ARMC1: variants seen among roughly 807,000 people sequenced by gnomAD.
ARMC1 encodes armadillo repeat-containing protein 1.
In ARMC1, 16 loss-of-function variants were observed where a neutral mutation model predicts 31.4. The ratio of observed to expected loss-of-function variants is 0.51; its 90% CI spans 0.34 to 0.77. ARMC1 has a LOEUF of 0.77. Among genes scored for constraint, ARMC1 ranks in the 30% least tolerant of loss-of-function variants. The pLI, the probability that ARMC1 is intolerant of heterozygous loss-of-function variation, is 0.01. For missense variants in ARMC1, 259 were observed against 347.5 expected, an observed-to-expected ratio of 0.75 and a Z score of 2.02; for synonymous variants, 114 against 118.9, an observed-to-expected ratio of 0.96 and a Z score of 0.27.
chr8:65,623,888 C>T (rs545900660), intron 2 of ARMC1, among the ~76,000 whole-genome samples: 3 of 146,484 alleles, frequency 2.0e-5, no homozygotes, highest in South Asian at 4.5e-4. Flanking sequence ...ACCTCCACCC[C>T]CCGAGTTCAA....
At chr8:65,608,573 T>C (rs187290501) in intron 4 of ARMC1, among the ~76,000 whole-genome samples, 26 of 152,180 alleles carry the variant, frequency 1.7e-4, no homozygotes, top group South Asian at 1.0e-3. Context: ...CCAAAAAATG[T>C]TGACTAAGCT....
At chr8:65,628,391 A>ATTTTTTTTTTT (rs763494218) in intron 1 of ARMC1, among the ~76,000 whole-genome samples, 19 of 78,814 alleles carry the variant, frequency 2.4e-4, no homozygotes, top group Admixed American at 3.4e-4. Flanking sequence ...CGCCCGGCTA[A>ATTTTTTTTTTT]TTTTTTTTTT....
chr8:65,604,642 T>G (rs1238706233), intron 6 of ARMC1, 57 bp from the exon 7 acceptor site: 15 of 1,486,558 alleles, frequency 1.0e-5, no homozygotes, highest in Admixed American at 3.8e-5. Flanking sequence ...TTATTCTAAT[T>G]ACCGTGGTTA....
At chr8:65,612,415 C>T (rs938065987) in intron 4 of ARMC1, among the ~76,000 whole-genome samples, 1 of 151,766 alleles carries the variant, frequency 6.6e-6, no homozygotes, top group Non-Finnish European at 1.5e-5. Context: ...ATGATTGTGC[C>T]ACTGCACTCC....
At chr8:65,609,372 T>C (rs1459932502) in intron 4 of ARMC1, among the ~76,000 whole-genome samples, 5 of 152,194 alleles carry the variant, frequency 3.3e-5, no homozygotes, top group Admixed American at 2.6e-4. Flanking sequence ...ACACATGGTA[T>C]TGGAGATATT....
At chr8:65,630,825 A>AAAG (rs1184462072) in intron 1 of ARMC1, among the ~76,000 whole-genome samples, 1 of 151,796 alleles carries the variant, frequency 6.6e-6, no homozygotes, top group African/African-American at 2.4e-5. Flanking sequence ...TCTAAAAAAA[A>AAAG]AAATACAAAC....
chr8:65,605,217 AATT>A (rs1305365787), intron 6 of ARMC1, 43 bp downstream of exon 6: 4 of 1,507,122 alleles, frequency 2.7e-6, no homozygotes, highest in African/African-American at 1.4e-5. Flanking sequence ...CATAAAAAAT[AATT>A]GAGAGTGAGT....
chr8:65,626,703 G>A (rs978931769), intron 2 of ARMC1, among the ~76,000 whole-genome samples: 1 of 152,074 alleles, frequency 6.6e-6, no homozygotes, highest in Admixed American at 6.6e-5. Flanking sequence ...TCCATGCATG[G>A]AGTATGCAAC....
chr8:65,623,728 G>T (rs1384820025), intron 2 of ARMC1, among the ~76,000 whole-genome samples: 1 of 79,602 alleles, frequency 1.3e-5, no homozygotes, highest in African/African-American at 5.4e-5. Context: ...GTAAGAACAA[G>T]AATTACGGCA....
intron 1 of ARMC1, among the ~76,000 whole-genome samples, chr8:65,630,619 G>A (rs911333957): frequency 1.3e-5 from 2 of 152,152 alleles, no homozygotes; most frequent in African/African-American, 4.8e-5. Context: ...AGGAGTTTGC[G>A]ACCAGCCTGG....
chr8:65,604,484 T>A lies in ARMC1; in HGVS notation c.759A>T (p.Lys253Asn). 1 of 1,614,150 alleles carries A rather than the reference T, an allele frequency of 6.2e-7. No homozygotes were observed. The highest frequency in any genetic ancestry group is 8.5e-7 in the Non-Finnish European group (1 of 1,180,024). ...EDESPTKEQD[K>N]AVSRVGSHPE... ...GGTGTGAGCCGACCCGGGACACCGC[T>A]TTGTCCTGTTCCTTTGTGGGACTCT... The change falls in exon 7 of 7, where the codon AAA becomes AAT. Residue 253 changes from lysine (K) to asparagine (N), a missense_variant. By Grantham distance (94) the Lys-to-Asn change is moderately conservative. Around this residue, in one of 3 missense-constraint regions of ARMC1, gnomAD observed 73 missense variants for 100.0 expected, o/e 0.73. Coordinates refer to ENST00000276569, the MANE Select transcript of ARMC1 (RefSeq NM_018120.6).
intron 4 of ARMC1, among the ~76,000 whole-genome samples, chr8:65,608,666 G>C (rs76740571): frequency 0.028 from 4,208 of 152,244 alleles, 133 homozygotes; most frequent in African/African-American, 0.078. Context: ...CTAGCACTTT[G>C]GGAGGGCAAG....
intron 2 of ARMC1, among the ~76,000 whole-genome samples, chr8:65,622,730 G>A (rs1312631089): frequency 6.7e-6 from 1 of 149,098 alleles, no homozygotes; most frequent in African/African-American, 2.5e-5. Context: ...AAAAAAGGTG[G>A]CGGGGGGAAC....
chr8:65,616,662 G>A (rs545399529), intron 3 of ARMC1, among the ~76,000 whole-genome samples: 45 of 145,222 alleles, frequency 3.1e-4, no homozygotes, highest in African/African-American at 1.0e-3. Context: ...GCCTCTTCCC[G>A]GCCGCCATCA....
intron 3 of ARMC1, among the ~76,000 whole-genome samples, chr8:65,617,604 AAG>A (rs1251641913): frequency 6.6e-6 from 1 of 150,796 alleles, no homozygotes; most frequent in Non-Finnish European, 1.5e-5. Context: ...AGAAACACCC[AAG>A]AATGATCAAT....
At chr8:65,607,687 T>G (rs1243419946) in intron 4 of ARMC1, among the ~76,000 whole-genome samples, 1 of 152,194 alleles carries the variant, frequency 6.6e-6, no homozygotes, top group African/African-American at 2.4e-5. Context: ...CCATGTGAAC[T>G]TTCAGATCAG....
At position 65,602,470 on chromosome 8, in the gene ARMC1, G is replaced by A. The variant is rs545912446; in HGVS notation, c.*1924C>T. 2.0e-4 allele frequency: 30 copies of A among 152,008 alleles called. 1 individual carries two copies. Among genetic ancestry groups the A allele is most frequent in the African/African-American group, 6.3e-4 (26 of 41,458 alleles). The allele number at this position is 152,008 out of a possible 1,614,324, so 9.4% of individuals were successfully genotyped here. ...TACCACAAGTATATAATATCCACTC[G>A]ATTTTAATTATGTTACCTTTTATTA... On this transcript the variant is annotated 3_prime_UTR_variant, in exon 7 of 7. Transcript: ENST00000276569.
chr8:65,617,644 A>T (rs1329226829), intron 3 of ARMC1, among the ~76,000 whole-genome samples: 1 of 152,104 alleles, frequency 6.6e-6, no homozygotes, highest in Non-Finnish European at 1.5e-5. Flanking sequence ...ATCACACCTA[A>T]AATATACCTT....
In ARMC1 at chr8:65,603,359, C is replaced by T. The variant is rs1204426161; in HGVS notation, c.*1035G>A. Reference sequence around the variant, plus strand: ...TGGGTCTTTTTCATTCAACACAACGCAGCATTTTCATAATAAATTCACAAA... The same window carrying T: ...TGGGTCTTTTTCATTCAACACAACGTAGCATTTTCATAATAAATTCACAAA... On this transcript the variant is annotated 3_prime_UTR_variant, in exon 7 of 7. Coordinates refer to ENST00000276569, the MANE Select transcript of ARMC1 (RefSeq NM_018120.6). 6.6e-6 allele frequency: 1 copy of T among 152,116 alleles called. No individual in the cohort carries two copies. The highest frequency in any genetic ancestry group is 6.5e-5 in the Admixed American group (1 of 15,278). 9.4% of individuals were successfully genotyped at this position (152,116 alleles called of 1,614,324 possible).
Sources: allele counts gnomAD v4.1 joint callset (sites outside exome capture counted in the v4.1 genomes callset), GRCh38; gene constraint gnomAD v4.1.1; regional missense constraint gnomAD v4.1.1; transcripts MANE v1.5; gene names NCBI Gene and HGNC (gene_info 2026-07-23, HGNC 2026-07-21).